PCDH7: variants seen among roughly 807,000 people sequenced by gnomAD.
The protein encoded by PCDH7 is protocadherin 7.
In PCDH7, 17 loss-of-function variants were observed where a neutral mutation model predicts 58.9. The observed-to-expected ratio is 0.29, with a 90% CI of 0.20 to 0.43. PCDH7 has a LOEUF of 0.43. Ranked by LOEUF, PCDH7 falls within the 20% of genes least tolerant of loss-of-function variation. PCDH7 has a pLI of 1.00. For missense variants in PCDH7, 1,274 were observed against 1,441.0 expected, an observed-to-expected ratio of 0.88 and a Z score of 1.88; for synonymous variants, 664 against 616.4, an observed-to-expected ratio of 1.08 and a Z score of -1.14.
chr4:31,071,410 T>C (rs1274649700), intron 3 of PCDH7, among the ~76,000 whole-genome samples: 6 of 152,046 alleles, frequency 3.9e-5, no homozygotes, highest in Admixed American at 3.9e-4. Context: ...AAATCTTTGG[T>C]TGAAATGTTG....
intron 1 of PCDH7, among the ~76,000 whole-genome samples, chr4:30,846,870 T>C (rs1732034267): frequency 1.3e-5 from 2 of 152,142 alleles, no homozygotes; most frequent in Non-Finnish European, 2.9e-5. Context: ...ATGACTATAA[T>C]CTCAGCATTT....
At chr4:30,755,624 C>T (rs1480140258) in intron 1 of PCDH7, among the ~76,000 whole-genome samples, 1 of 152,130 alleles carries the variant, frequency 6.6e-6, no homozygotes, top group Non-Finnish European at 1.5e-5. Flanking sequence ...AAAATGGTTA[C>T]CATCCCCCAC....
rs376630294 is a variant in PCDH7, at chr4:30,721,841, C to T, written c.419C>T (p.Thr140Met). The stretch of plus-strand genomic sequence containing the variant: ...ATCGTGCTTGACATCAACGACAACA[C>T]GCCCACCTTCCCGTCGCCCGTGCTC... The change falls in exon 1 of 2, where the codon ACG (threonine) becomes ATG (methionine). Residue 140 changes from threonine (T) to methionine (M), a missense_variant. Coordinates refer to ENST00000361762, the Ensembl canonical transcript of PCDH7. The surrounding 1 kb of genome is among the most constrained non-coding windows in gnomAD (Gnocchi z 6.7). 101 of 1,609,388 alleles carry T rather than the reference C, an allele frequency of 6.3e-5. No homozygotes were observed. In the African/African-American group the frequency reaches 1.1e-3, roughly 17 times the overall value.
chr4:31,069,981 A>T (rs1355646912), intron 3 of PCDH7, among the ~76,000 whole-genome samples: 1 of 151,968 alleles, frequency 6.6e-6, no homozygotes, highest in East Asian at 1.9e-4. Flanking sequence ...CAGCCCAAAT[A>T]CTTTGAGTGC....
At chr4:31,100,001 G>T (rs939722709) in intron 3 of PCDH7, among the ~76,000 whole-genome samples, 1 of 151,954 alleles carries the variant, frequency 6.6e-6, no homozygotes, top group African/African-American at 2.4e-5. Context: ...AAGGGAGGGA[G>T]GGAGGGAAAA....
At chr4:30,912,109 T>A (rs930303651) in intron 1 of PCDH7, among the ~76,000 whole-genome samples, 1 of 152,198 alleles carries the variant, frequency 6.6e-6, no homozygotes, top group East Asian at 1.9e-4. Context: ...AACATGTTTC[T>A]TGTTAATATC....
intron 1 of PCDH7, among the ~76,000 whole-genome samples, chr4:30,843,394 A>G (rs1227101597): frequency 6.6e-6 from 1 of 152,066 alleles, no homozygotes; most frequent in African/African-American, 2.4e-5. Flanking sequence ...GGGTTTCGCC[A>G]TGTTGGCCAG....
intron 3 of PCDH7, among the ~76,000 whole-genome samples, chr4:30,995,296 T>C (rs918670302): frequency 6.6e-6 from 1 of 151,990 alleles, no homozygotes; most frequent in Non-Finnish European, 1.5e-5. Flanking sequence ...GGCAGGAGGA[T>C]CATGAGGTCA....
At chr4:30,811,355 T>C (rs1295840313) in intron 1 of PCDH7, among the ~76,000 whole-genome samples, 2 of 152,150 alleles carry the variant, frequency 1.3e-5, no homozygotes. Flanking sequence ...GTGGAGGAAC[T>C]CACAGTAAGT....
downstream of PCDH7, chr4:31,145,002 T>G: frequency 6.6e-6 from 1 of 152,090 alleles, no homozygotes; most frequent in East Asian, 1.9e-4. Context: ...ACATTTTTTC[T>G]TGCACGTTAC....
At chr4:30,951,612 T>G (rs1013094455) in intron 3 of PCDH7, among the ~76,000 whole-genome samples, 1 of 152,182 alleles carries the variant, frequency 6.6e-6, no homozygotes, top group Non-Finnish European at 1.5e-5. Context: ...ATACAAAAAA[T>G]AATAACAGCA....
At chr4:30,911,251 A>G (rs1326472289) in intron 1 of PCDH7, among the ~76,000 whole-genome samples, 1 of 151,754 alleles carries the variant, frequency 6.6e-6, no homozygotes, top group African/African-American at 2.4e-5. Context: ...GGGCATCTGT[A>G]TACCTATGTA....
intron 3 of PCDH7, among the ~76,000 whole-genome samples, chr4:31,093,588 T>C (rs1490518352): frequency 2.0e-5 from 2 of 99,614 alleles, no homozygotes; most frequent in East Asian, 9.5e-4. Flanking sequence ...GTGCAGTGAA[T>C]TTTCCACACA....
intron 3 of PCDH7, among the ~76,000 whole-genome samples, chr4:31,094,077 C>G (rs1048055156): frequency 1.1e-4 from 16 of 152,104 alleles, no homozygotes. Flanking sequence ...CCTCAAAATA[C>G]TGATCATAAC....
chr4:30,970,017 A>G (rs2109471601), intron 3 of PCDH7, among the ~76,000 whole-genome samples: 1 of 152,324 alleles, frequency 6.6e-6, no homozygotes, highest in South Asian at 2.1e-4. Context: ...CTGATTGCAC[A>G]TGAGAAACTG....
chr4:30,817,285 T>C (rs1013772125), intron 1 of PCDH7, among the ~76,000 whole-genome samples: 1 of 152,188 alleles, frequency 6.6e-6, no homozygotes. Flanking sequence ...GGCTCAAGGA[T>C]ATACAGTTTC....
intron 3 of PCDH7, among the ~76,000 whole-genome samples, chr4:30,975,909 C>T (rs141031341): frequency 1.8e-3 from 280 of 152,272 alleles, no homozygotes; most frequent in African/African-American, 6.2e-3. Context: ...TCCATTATGT[C>T]CTTCAATATC....
chr4:30,906,038 T>C (rs1171220310), intron 1 of PCDH7, among the ~76,000 whole-genome samples: 2 of 152,216 alleles, frequency 1.3e-5, no homozygotes, highest in Non-Finnish European at 2.9e-5. Context: ...GATATTAAGC[T>C]TAAGGAAACC....
At chr4:30,903,490 A>G (rs1169394083) in intron 1 of PCDH7, among the ~76,000 whole-genome samples, 2 of 152,096 alleles carry the variant, frequency 1.3e-5, no homozygotes, top group Non-Finnish European at 2.9e-5. Context: ...CAGTTCCCTA[A>G]AATCTTCATC....
Sources: allele counts gnomAD v4.1 joint callset (sites outside exome capture counted in the v4.1 genomes callset), GRCh38; gene constraint gnomAD v4.1.1; non-coding constraint Gnocchi (gnomAD v3.1); transcripts MANE v1.5; gene names NCBI Gene and HGNC (gene_info 2026-07-23, HGNC 2026-07-21).